Variants in PCM1 observed in about 807,000 individuals in gnomAD.
PCM1 encodes pericentriolar material 1, also known as pericentriolar material 1 protein.
A neutral mutation model predicts 241.9 loss-of-function variants in PCM1; 157 were observed. That is an observed-to-expected ratio of 0.65 (90% CI 0.57 to 0.74). The LOEUF is 0.74. Among genes scored for constraint, PCM1 ranks in the 30% least tolerant of loss-of-function variants. The pLI is 0.00. For synonymous variants in PCM1, 1,085 were observed against 784.9 expected (o/e 1.38, Z -6.39); for missense variants, 3,478 against 2,360.1 (o/e 1.47, Z -9.81).
chr8:17,997,906 C>T (rs979627916), intron 29 of PCM1, among the ~76,000 whole-genome samples: 3 of 151,058 alleles, frequency 2.0e-5, no homozygotes, highest in East Asian at 2.0e-4. Flanking sequence ...CATGGTGGTG[C>T]GCACCTATAA....
chr8:17,929,573 T>G (rs904052377), intron 2 of PCM1, among the ~76,000 whole-genome samples: 15 of 152,234 alleles, frequency 9.9e-5, no homozygotes, highest in Admixed American at 9.8e-4. Flanking sequence ...ACTTGTTTCT[T>G]TTCTGATCAG....
chr8:18,026,080 C>T (rs1164778957), intron 38 of PCM1, among the ~76,000 whole-genome samples: 6 of 127,470 alleles, frequency 4.7e-5, no homozygotes, highest in Non-Finnish European at 9.4e-5. Context: ...AGGAGAATGG[C>T]GTGAACCCAG....
intron 36 of PCM1, among the ~76,000 whole-genome samples, chr8:18,024,291 A>G (rs2129488840): frequency 6.6e-6 from 1 of 152,290 alleles, no homozygotes; most frequent in East Asian, 1.9e-4. Context: ...ACTTGAGCCC[A>G]GGAGTTCTAG....
chr8:17,989,753 C>G, intron 26 of PCM1, 106 bp from the exon 27 acceptor site: 1 of 796,572 alleles, frequency 1.3e-6, no homozygotes, highest in South Asian at 2.1e-5. Context: ...TTATGAATAT[C>G]TTTTAAGTGT....
At position 17,937,149 on chromosome 8, in the gene PCM1, C is replaced by A. The variant is rs781302500; in HGVS notation, c.112C>A (p.Gln38Lys). 1.1e-5 allele frequency: 17 copies of A among 1,565,106 alleles called. No homozygotes were observed. The highest frequency in any genetic ancestry group is 1.7e-4 in the Middle Eastern group (1 of 6,004). ...RLNNMDWGAQQKKANRSSEKN... is the reference protein window; with the variant it reads ...RLNNMDWGAQKKKANRSSEKN... Reference sequence around the variant, plus strand: ...TTTTTTAAAGGATTGGGGTGCCCAACAGAAGAAAGCAAATAGATCATCAGA... The same window carrying A: ...TTTTTTAAAGGATTGGGGTGCCCAAAAGAAGAAAGCAAATAGATCATCAGA... The change falls in exon 4 of 39, where the codon CAG becomes AAG. Residue 38 changes from glutamine to lysine, a missense_variant. Gln to Lys is a moderately conservative substitution (Grantham distance 53). Transcript: ENST00000325083.
At chr8:17,944,252 A>C (rs1000965608) in intron 6 of PCM1, among the ~76,000 whole-genome samples, 1 of 152,172 alleles carries the variant, frequency 6.6e-6, no homozygotes, top group Non-Finnish European at 1.5e-5. Context: ...AACCCAGCAC[A>C]TAATTTGGAG....
Position 17,934,390 on chromosome 8 carries a change from T to G in PCM1, c.-22-1199T>G, listed in dbSNP as rs948276927. Among the ~76,000 whole-genome samples the G allele has an allele frequency of 1.3e-4, 20 of 151,948 alleles. No individual in the cohort carries two copies. The East Asian group carries it at 3.9e-3, about 29-fold the overall frequency. On this transcript the variant is annotated intron_variant, in intron 2 of 38. Coordinates refer to ENST00000325083, the MANE Select transcript of PCM1 (RefSeq NM_006197.4). ...CATACTCCTGCCTCAGCCTCCCGAG[T>G]AGCTGGGATTACAGGCACCTGCCAC...
chr8:18,003,462 C>T (rs2090281518), intron 29 of PCM1, among the ~76,000 whole-genome samples: 1 of 152,172 alleles, frequency 6.6e-6, no homozygotes, highest in Admixed American at 6.6e-5. Flanking sequence ...TGACCTTCTC[C>T]TCTTTCTCTG....
At chr8:17,965,654 A>T (rs927594163) in intron 18 of PCM1, among the ~76,000 whole-genome samples, 1 of 152,370 alleles carries the variant, frequency 6.6e-6, no homozygotes, top group East Asian at 1.9e-4. Flanking sequence ...GGTGAAGTAG[A>T]TACAGTAGCT....
chr8:17,975,697 A>G (rs544382429), intron 23 of PCM1, among the ~76,000 whole-genome samples: 1 of 152,252 alleles, frequency 6.6e-6, no homozygotes, highest in African/African-American at 2.4e-5. Context: ...ATCCAAATAT[A>G]TATGTGTTTT....
chr8:17,939,831 G>T lies in PCM1; in HGVS notation c.753G>T (p.Lys251Asn). 1 of 1,510,634 alleles carries T rather than the reference G, an allele frequency of 6.6e-7. No homozygotes were observed. Among genetic ancestry groups the T allele is most frequent in the East Asian group, 2.4e-5 (1 of 41,636 alleles). 93.6% of individuals were successfully genotyped at this position (1,510,634 alleles called of 1,614,324 possible). A position where few individuals can be genotyped will look rare whatever the true frequency, so the allele number is the denominator to read the frequency against. ...TAGATCACCTTAAAGAACAAGAGAA[G>T]TCATATATGAAATTTCTTAAAAAAA... The part of the protein sequence containing the change: ...HLIDHLKEQE[K>N]SYMKFLKKIL... The change falls in exon 6 of 39, where the codon AAG (lysine) becomes AAT (asparagine). Residue 251 changes from lysine to asparagine, a missense_variant. Physicochemically the swap from Lys to Asn is moderately conservative, Grantham distance 94. Coordinates refer to ENST00000325083, the MANE Select transcript of PCM1 (RefSeq NM_006197.4).
intron 2 of PCM1, among the ~76,000 whole-genome samples, chr8:17,929,021 C>G (rs1452036831): frequency 3.3e-5 from 5 of 152,184 alleles, no homozygotes; most frequent in Non-Finnish European, 7.3e-5. Flanking sequence ...GTGCTTGCTT[C>G]TCATCATAGG....
chr8:17,993,235 A>C (rs1212464096), intron 28 of PCM1, among the ~76,000 whole-genome samples: 1 of 151,932 alleles, frequency 6.6e-6, no homozygotes, highest in East Asian at 1.9e-4. Flanking sequence ...TTAGATTTTG[A>C]AGGTATATTT....
chr8:17,993,650 C>G, intron 29 of PCM1, 31 bp downstream of exon 29: 4 of 1,534,100 alleles, frequency 2.6e-6, no homozygotes, highest in Non-Finnish European at 3.5e-6. Context: ...ATAAACGAAA[C>G]CTTCTATGTT....
At chr8:17,971,496 A>C (rs1420444208) in intron 22 of PCM1, among the ~76,000 whole-genome samples, 1 of 152,238 alleles carries the variant, frequency 6.6e-6, no homozygotes, top group Non-Finnish European at 1.5e-5. Context: ...TTAAATATTA[A>C]GGGATGCTAG....
intron 26 of PCM1, among the ~76,000 whole-genome samples, chr8:17,986,699 G>C (rs2082723173): frequency 6.6e-6 from 1 of 151,738 alleles, no homozygotes; most frequent in African/African-American, 2.4e-5. Flanking sequence ...ATATTGAGGA[G>C]ATAATGTGCT....
chr8:17,949,877 G>A (rs928873434), intron 7 of PCM1, among the ~76,000 whole-genome samples: 9 of 152,174 alleles, frequency 5.9e-5, no homozygotes, highest in African/African-American at 1.9e-4. Context: ...TGACTATCAT[G>A]AAAATTGTTG....
intron 29 of PCM1, among the ~76,000 whole-genome samples, chr8:17,999,806 G>A (rs532187952): frequency 1.3e-5 from 2 of 152,016 alleles, no homozygotes; most frequent in African/African-American, 4.8e-5. Flanking sequence ...ATTGGTGGAG[G>A]CTTCTGTTCT....
Position 17,964,696 on chromosome 8 carries a change from A to T in PCM1, c.2783A>T (p.Asn928Ile), listed in dbSNP as rs183004636. 7 of 1,613,964 alleles carry T rather than the reference A, an allele frequency of 4.3e-6. No homozygotes were observed. Among genetic ancestry groups the T allele is most frequent in the East Asian group, 2.2e-5 (1 of 44,882 alleles). The change falls in exon 18 of 39, where the codon AAT becomes ATT. Residue 928 changes from asparagine (N) to isoleucine (I), a missense_variant. By Grantham distance (149) the Asn-to-Ile change is moderately radical. Coordinates refer to ENST00000325083, the MANE Select transcript of PCM1 (RefSeq NM_006197.4). ...GAAGAAGAGCAAGATGCCAGTTCCA[A>T]TGATAACTTTTCTGTGTGTCCTTCT... ...EEEEEQDASS[N>I]DNFSVCPSNS...
Sources: gnomAD v4.1 joint callset for allele counts (sites outside exome capture counted in the v4.1 genomes callset) on GRCh38, gnomAD v4.1.1 for gene constraint, MANE v1.5 for transcripts, NCBI Gene and HGNC (gene_info 2026-07-23, HGNC 2026-07-21) for gene names.